The following KCNT2 variants were observed in gnomAD, a reference collection of about 807,000 sequenced individuals.
The protein encoded by KCNT2 is potassium channel subfamily T member 2.
Under a neutral mutation model 153.8 loss-of-function variants are expected in KCNT2, and 67 were observed. The ratio of observed to expected loss-of-function variants is 0.44; its 90% confidence interval spans 0.36 to 0.53. KCNT2 has a LOEUF of 0.53. Ranked by LOEUF, KCNT2 falls within the 20% of genes least tolerant of loss-of-function variation. KCNT2 has a pLI of 0.00. For missense variants in KCNT2, 975 were observed against 1,354.8 expected (o/e 0.72, Z 4.40); for synonymous variants, 500 against 458.8 (o/e 1.09, Z -1.15).
rs1673964316 is a variant in KCNT2 at position 196,429,663 on chromosome 1, A to G, written c.733T>C (p.Phe245Leu). Residue 245 changes from phenylalanine (F) to leucine (L), a missense_variant, in exon 9 of 28, where the codon TTC (phenylalanine) becomes CTC (leucine). Physicochemically the swap from Phe to Leu is conservative, Grantham distance 22. This residue lies in a region of KCNT2 where 202 missense variants were observed against 314.9 expected (regional missense o/e 0.64). Transcript: ENST00000294725. The stretch of plus-strand genomic sequence containing the variant: ...CATGTTTCAGGAGTGACATCCCCGA[A>G]GCCCACAGTAGAAAACGTCACAATG... Reference protein sequence around the residue: ...FCIVTFSTVGFGDVTPETWSS... With the variant: ...FCIVTFSTVGLGDVTPETWSS... The G allele has an allele frequency of 6.2e-7, 1 of 1,612,828 alleles. No individual in the cohort carries two copies. The highest frequency in any genetic ancestry group is 8.5e-7 in the Non-Finnish European group (1 of 1,179,138).
At chr1:196,442,343 T>A (rs1237080483) in intron 8 of KCNT2, among the ~76,000 whole-genome samples, 3 of 151,862 alleles carry the variant, frequency 2.0e-5, no homozygotes, top group East Asian at 3.9e-4. Flanking sequence ...AAAGTTTTGT[T>A]CTCCATTCAC....
intron 9 of KCNT2, among the ~76,000 whole-genome samples, chr1:196,429,174 T>C (rs1673915899): frequency 6.6e-6 from 1 of 152,010 alleles, no homozygotes; most frequent in African/African-American, 2.4e-5. Flanking sequence ...AAGTAATAGA[T>C]TTTTCTTCAT....
intron 1 of KCNT2, among the ~76,000 whole-genome samples, chr1:196,504,005 G>T (rs1006496161): frequency 6.6e-6 from 1 of 152,086 alleles, no homozygotes; most frequent in African/African-American, 2.4e-5. Context: ...AAGTCAAGGT[G>T]ACACAATTTG....
At chr1:196,486,711 TA>T (rs34752996) in intron 3 of KCNT2, among the ~76,000 whole-genome samples, 146,221 of 151,478 alleles carry the variant, frequency 0.97, 70,786 homozygotes, top group Middle Eastern at 1. Context: ...CTGGTAGCTC[TA>T]AAAAAAAACC....
chr1:196,244,656 G>T (rs1655267511), intron 26 of KCNT2, among the ~76,000 whole-genome samples: 1 of 152,130 alleles, frequency 6.6e-6, no homozygotes, highest in Non-Finnish European at 1.5e-5. Flanking sequence ...CTTTGCCTGT[G>T]GTTTTGGTGC....
chr1:196,361,694 G>A (rs897948563), intron 14 of KCNT2, among the ~76,000 whole-genome samples: 2 of 152,022 alleles, frequency 1.3e-5, no homozygotes, highest in Non-Finnish European at 2.9e-5. Context: ...TAATAGGAGT[G>A]GGAAGGAGAT....
chr1:196,436,171 T>C (rs1389424961), intron 8 of KCNT2, among the ~76,000 whole-genome samples: 1 of 151,260 alleles, frequency 6.6e-6, no homozygotes, highest in Non-Finnish European at 1.5e-5. Context: ...AGAGTACCTA[T>C]ATACAACATG....
intron 1 of KCNT2, among the ~76,000 whole-genome samples, chr1:196,564,998 GA>G (rs1216521746): frequency 1.3e-5 from 2 of 149,620 alleles, no homozygotes; most frequent in African/African-American, 4.9e-5. Context: ...AACATCCCAG[GA>G]AAACAATCAA....
chr1:196,429,860 A>G, intron 8 of KCNT2, 103 bp from the exon 9 acceptor site: 1 of 702,810 alleles, frequency 1.4e-6, no homozygotes, highest in Non-Finnish European at 2.4e-6. Flanking sequence ...AAAGCCATTT[A>G]ATAGTCCCTC....
At chr1:196,273,703 T>C (rs1002379305) in intron 25 of KCNT2, among the ~76,000 whole-genome samples, 1 of 151,790 alleles carries the variant, frequency 6.6e-6, no homozygotes, top group African/African-American at 2.4e-5. Context: ...TAGATTGTTT[T>C]TGTTTTGCTG....
intron 3 of KCNT2, among the ~76,000 whole-genome samples, chr1:196,487,646 C>A (rs936586829): frequency 3.3e-5 from 5 of 151,968 alleles, no homozygotes; most frequent in African/African-American, 1.2e-4. Flanking sequence ...TTAAAATACT[C>A]ATTCCTATTG....
chr1:196,493,327 C>A (rs1572632773), intron 1 of KCNT2, among the ~76,000 whole-genome samples: 2 of 120,700 alleles, frequency 1.7e-5, no homozygotes, highest in South Asian at 5.1e-4. Flanking sequence ...GTTTGGGGGT[C>A]TTTTTTTTGG....
At chr1:196,304,489 G>C (rs1661451440) in intron 22 of KCNT2, among the ~76,000 whole-genome samples, 1 of 152,044 alleles carries the variant, frequency 6.6e-6, no homozygotes, top group Non-Finnish European at 1.5e-5. Flanking sequence ...AGGTCACTCT[G>C]ATTATAGGCA....
intron 1 of KCNT2, among the ~76,000 whole-genome samples, chr1:196,498,471 A>G (rs1180813397): frequency 6.6e-6 from 1 of 152,064 alleles, no homozygotes; most frequent in Non-Finnish European, 1.5e-5. Context: ...CATGGAGTCC[A>G]TATATAAGAT....
intron 8 of KCNT2, among the ~76,000 whole-genome samples, chr1:196,443,874 T>G (rs1031000156): frequency 5.9e-5 from 9 of 151,574 alleles, no homozygotes; most frequent in Admixed American, 2.0e-4. Context: ...ACAAGCTGAT[T>G]AGCCATCCCT....
At chr1:196,258,834 T>G (rs1202883360) in intron 25 of KCNT2, among the ~76,000 whole-genome samples, 2 of 152,104 alleles carry the variant, frequency 1.3e-5, no homozygotes, top group African/African-American at 4.8e-5. Context: ...AAACCAGACA[T>G]TTTACAACTT....
chr1:196,529,978 C>A (rs1488119114), intron 1 of KCNT2, among the ~76,000 whole-genome samples: 2 of 151,930 alleles, frequency 1.3e-5, no homozygotes, highest in African/African-American at 4.8e-5. Flanking sequence ...AACACACAGG[C>A]CTGATGACTC....
At chr1:196,284,198 T>G (rs1388396757) in intron 23 of KCNT2, among the ~76,000 whole-genome samples, 1 of 113,222 alleles carries the variant, frequency 8.8e-6, no homozygotes, top group Non-Finnish European at 1.8e-5. Flanking sequence ...ACCACCGCCC[T>G]CTAGACTGGG....
intron 26 of KCNT2, among the ~76,000 whole-genome samples, chr1:196,250,618 A>T (rs1655877395): frequency 6.6e-6 from 1 of 152,154 alleles, no homozygotes; most frequent in South Asian, 2.1e-4. Flanking sequence ...AAAAATTGAC[A>T]AATGGGATCA....
Sources: gnomAD v4.1 joint callset for allele counts (sites outside exome capture counted in the v4.1 genomes callset) on GRCh38, gnomAD v4.1.1 for gene constraint, gnomAD v4.1.1 regional missense constraint, MANE v1.5 for transcripts, NCBI Gene and HGNC (gene_info 2026-07-23, HGNC 2026-07-21) for gene names.